SYNPR: variants seen among roughly 807,000 people sequenced by gnomAD.
SYNPR encodes synaptoporin.
A neutral mutation model predicts 32.9 loss-of-function variants in SYNPR; 23 were observed. That is an observed-to-expected ratio of 0.70 (90% CI 0.50 to 0.99). The LOEUF (loss-of-function observed/expected upper bound fraction) is 0.99, where lower values mean the gene tolerates loss of function less well. Ranked by LOEUF, SYNPR falls within the 50% of genes least tolerant of loss-of-function variation. SYNPR has a pLI of 0.00. For missense variants in SYNPR, 318 were observed against 349.3 expected (o/e 0.91, Z 0.71); for synonymous variants, 146 against 135.9 (o/e 1.07, Z -0.52).
At chr3:63,327,269 T>G (rs572742066) in intron 2 of SYNPR, among the ~76,000 whole-genome samples, 1 of 152,236 alleles carries the variant, frequency 6.6e-6, no homozygotes, top group South Asian at 2.1e-4. Flanking sequence ...ACTAGAACTT[T>G]TTTACACTGT....
the SYNPR span, among the ~76,000 whole-genome samples, chr3:63,211,345 G>A: frequency 6.6e-6 from 1 of 152,168 alleles, no homozygotes; most frequent in Non-Finnish European, 1.5e-5. Context: ...GGGATTACAG[G>A]CATGAGCCAC....
At chr3:63,598,072 T>C (rs774019989) in intron 4 of SYNPR, among the ~76,000 whole-genome samples, 2 of 152,232 alleles carry the variant, frequency 1.3e-5, no homozygotes, top group Non-Finnish European at 2.9e-5. Context: ...TCTCTCTGTA[T>C]AAAAGTGTCA....
chr3:63,204,420 G>A, the SYNPR span, among the ~76,000 whole-genome samples: 634 of 152,140 alleles, frequency 4.2e-3, 4 homozygotes, highest in African/African-American at 0.014. Context: ...TAAAGGCACT[G>A]GTCTTATTGG....
At chr3:63,601,106 C>G (rs1364021065) in intron 4 of SYNPR, among the ~76,000 whole-genome samples, 1 of 152,048 alleles carries the variant, frequency 6.6e-6, no homozygotes, top group Non-Finnish European at 1.5e-5. Flanking sequence ...AACCCCATCT[C>G]TACTAAAAAT....
intron 4 of SYNPR, among the ~76,000 whole-genome samples, chr3:63,602,694 C>T (rs1453527609): frequency 6.6e-6 from 1 of 152,028 alleles, no homozygotes; most frequent in Non-Finnish European, 1.5e-5. Context: ...TATTCTGTTC[C>T]ATTGGTTTAT....
At chr3:63,518,208 G>A (rs115811955) in intron 3 of SYNPR, among the ~76,000 whole-genome samples, 1 of 152,128 alleles carries the variant, frequency 6.6e-6, no homozygotes, top group African/African-American at 2.4e-5. Flanking sequence ...AGAAGAGGCA[G>A]AGGGGGAGGG....
At chr3:63,551,715 A>T (rs894037433) in intron 3 of SYNPR, among the ~76,000 whole-genome samples, 2 of 152,090 alleles carry the variant, frequency 1.3e-5, no homozygotes, top group Non-Finnish European at 2.9e-5. Flanking sequence ...CCTAAAAGTC[A>T]CTTCCATAGG....
At chr3:63,481,717 G>T (rs1575667613) in intron 3 of SYNPR, among the ~76,000 whole-genome samples, 1 of 152,142 alleles carries the variant, frequency 6.6e-6, no homozygotes, top group African/African-American at 2.4e-5. Flanking sequence ...GTGCTGTGCT[G>T]GTGGAAGTGG....
chr3:63,432,879 C>G (rs1193753401), intron 2 of SYNPR, among the ~76,000 whole-genome samples: 1 of 152,176 alleles, frequency 6.6e-6, no homozygotes, highest in East Asian at 1.9e-4. Flanking sequence ...TACAAAGATT[C>G]CCTGTCAAGT....
At chr3:63,590,886 A>G (rs1703289977) in intron 4 of SYNPR, among the ~76,000 whole-genome samples, 1 of 142,904 alleles carries the variant, frequency 7.0e-6, no homozygotes, top group South Asian at 2.5e-4. Flanking sequence ...CATTCAGGAC[A>G]TAGGCATGGG....
chr3:63,444,709 A>G (rs1700240499), intron 2 of SYNPR, among the ~76,000 whole-genome samples: 1 of 152,040 alleles, frequency 6.6e-6, no homozygotes, highest in Non-Finnish European at 1.5e-5. Flanking sequence ...TAACCTTCAT[A>G]TCTACTCCCT....
chr3:63,466,908 G>A (rs140191494), intron 2 of SYNPR, among the ~76,000 whole-genome samples: 186 of 152,272 alleles, frequency 1.2e-3, no homozygotes, highest in African/African-American at 4.1e-3. Flanking sequence ...ATGCAAATTT[G>A]GGAGGGATAC....
intron 3 of SYNPR, among the ~76,000 whole-genome samples, chr3:63,518,162 C>A (rs1336379601): frequency 6.6e-6 from 1 of 152,160 alleles, no homozygotes; most frequent in East Asian, 1.9e-4. Flanking sequence ...TACATCCTTT[C>A]ACACCAAGTC....
At chr3:63,202,596 T>G in the SYNPR span, among the ~76,000 whole-genome samples, 10,031 of 71,252 alleles carry the variant, frequency 0.14, 402 homozygotes, top group Middle Eastern at 0.22. Flanking sequence ...ATGAAAAGAT[T>G]ATTTTTAAAA....
intron 4 of SYNPR, among the ~76,000 whole-genome samples, chr3:63,573,701 G>C (rs927559089): frequency 3.3e-5 from 5 of 152,120 alleles, no homozygotes; most frequent in Admixed American, 1.3e-4. Context: ...ATGTAGTTCA[G>C]GTCCATCTTG....
In SYNPR at chr3:63,609,314, G is replaced by A; in HGVS notation, c.598G>A (p.Val200Met). ...SPVMSSLNTS[V>M]VFGFLNFILW... The stretch of plus-strand genomic sequence containing the variant: ...TGTTATGTCAAGCTTAAACACTTCT[G>A]TGGTAAGTATTTTTCATCTATGCTT... The change falls in exon 5 of 6, where the codon GTG becomes ATG. Residue 200 changes from valine to methionine, a missense_variant and splice_region_variant. Physicochemically the swap from Val to Met is conservative, Grantham distance 21. Coordinates refer to ENST00000478300, the MANE Select transcript of SYNPR (RefSeq NM_001130003.2). 1.9e-6 allele frequency: 3 copies of A among 1,562,400 alleles called. No homozygotes were observed. The highest frequency in any genetic ancestry group is 2.6e-6 in the Non-Finnish European group (3 of 1,152,734).
chr3:63,499,969 CTATT>C (rs1701447962), intron 3 of SYNPR, among the ~76,000 whole-genome samples: 2 of 152,152 alleles, frequency 1.3e-5, no homozygotes, highest in South Asian at 2.1e-4. Context: ...TGTTAAAACA[CTATT>C]TATTTGCCAT....
intron 1 of SYNPR, among the ~76,000 whole-genome samples, chr3:63,243,156 GAA>G (rs1215794487): frequency 6.6e-6 from 1 of 151,838 alleles, no homozygotes; most frequent in Non-Finnish European, 1.5e-5. Flanking sequence ...TGTTAGAAGA[GAA>G]AATAATCAAG....
chr3:63,313,746 C>CAT (rs369924481), intron 2 of SYNPR, among the ~76,000 whole-genome samples: 513 of 7,752 alleles, frequency 0.066, 63 homozygotes, highest in Non-Finnish European at 0.11. Flanking sequence ...TATATATATC[C>CAT]ATATATATAT....
Sources: allele counts gnomAD v4.1 joint callset (sites outside exome capture counted in the v4.1 genomes callset), GRCh38; gene constraint gnomAD v4.1.1; transcripts MANE v1.5; gene names NCBI Gene and HGNC (gene_info 2026-07-23, HGNC 2026-07-21).